Variants in CCM2 observed in about 807,000 individuals in gnomAD.
The protein encoded by CCM2 is CCM2 scaffold protein.
A neutral mutation model predicts 44.9 loss-of-function variants in CCM2; 25 were observed. The ratio of observed to expected loss-of-function variants is 0.56; its 90% confidence interval spans 0.41 to 0.78. The LOEUF (loss-of-function observed/expected upper bound fraction) is 0.78, where lower values mean the gene tolerates loss of function less well. CCM2 is among the 30% of genes least tolerant of loss of function. CCM2 has a pLI of 0.00. For synonymous variants in CCM2, 219 were observed against 241.1 expected, an observed-to-expected ratio of 0.91 and a Z score of 0.85; for missense variants, 481 against 580.6, an observed-to-expected ratio of 0.83 and a Z score of 1.76.
chr7:45,068,758 T>C (rs1798910589), intron 5 of CCM2, among the ~76,000 whole-genome samples, 179 bp downstream of exon 5: 1 of 151,916 alleles, frequency 6.6e-6, no homozygotes, highest in Non-Finnish European at 1.5e-5. Context: ...CTCTCTCTGC[T>C]CAACCCTGCC....
chr7:45,076,279 A>C lies in CCM2; in HGVS notation c.*222A>C. On this transcript the variant is annotated 3_prime_UTR_variant, in exon 10 of 10. Coordinates refer to ENST00000258781, the MANE Select transcript of CCM2 (RefSeq NM_031443.4). ...TGGAAGGCTCTTTGCCTTGTCCACCAGGGCTCAGCCAAGCCCTGCAGTGTG... is the reference window on the plus strand; with the variant it reads ...TGGAAGGCTCTTTGCCTTGTCCACCCGGGCTCAGCCAAGCCCTGCAGTGTG... 1.4e-6 allele frequency: 1 copy of C among 720,394 alleles called. No homozygotes were observed. Among genetic ancestry groups the C allele is most frequent in the Non-Finnish European group, 2.4e-6 (1 of 408,188 alleles). 44.6% of individuals were successfully genotyped at this position (720,394 alleles called of 1,614,324 possible). A position where few individuals can be genotyped will look rare whatever the true frequency, so the allele number is the denominator to read the frequency against.
At chr7:45,073,421 C>T (rs374025748) in intron 7 of CCM2, 39 bp from the exon 8 acceptor site, 25 of 1,458,812 alleles carry the variant, frequency 1.7e-5, no homozygotes, top group African/African-American at 1.7e-4. Flanking sequence ...GATGGAGGGT[C>T]GGGGAAGCCA....
chr7:45,000,775 C>T (rs1795580282), intron 1 of CCM2, among the ~76,000 whole-genome samples: 1 of 152,228 alleles, frequency 6.6e-6, no homozygotes, highest in Admixed American at 6.5e-5. Flanking sequence ...GCAAGGGTGG[C>T]CTTCACCTTA....
chr7:45,044,240 TCTC>T (rs1446560860), intron 2 of CCM2, among the ~76,000 whole-genome samples: 1 of 152,236 alleles, frequency 6.6e-6, no homozygotes, highest in African/African-American at 2.4e-5. Flanking sequence ...TTCACGCTGT[TCTC>T]CTGCTTCAGC....
chr7:45,008,522 C>T (rs1176749048), intron 1 of CCM2, among the ~76,000 whole-genome samples: 1 of 152,026 alleles, frequency 6.6e-6, no homozygotes, highest in Non-Finnish European at 1.5e-5. Flanking sequence ...GCCACCAAGT[C>T]CGGCTAATTT....
At chr7:45,059,485 C>T (rs1210731869) in intron 2 of CCM2, among the ~76,000 whole-genome samples, 1 of 151,776 alleles carries the variant, frequency 6.6e-6, no homozygotes, top group African/African-American at 2.4e-5. Flanking sequence ...TGGCTCATGC[C>T]TGTATTCCCA....
At chr7:45,028,264 T>C (rs1332336291) in intron 1 of CCM2, among the ~76,000 whole-genome samples, 1 of 152,194 alleles carries the variant, frequency 6.6e-6, no homozygotes, top group African/African-American at 2.4e-5. Flanking sequence ...GCATGGATCC[T>C]GGCCACCGCC....
chr7:45,021,409 C>G lies in CCM2; in HGVS notation c.31-16844C>G, dbSNP rs529828462. 7.3e-5 allele frequency among the ~76,000 whole-genome samples: 11 copies of G among 151,536 alleles called. No homozygotes were observed. In the East Asian group the frequency reaches 1.9e-3, roughly 27 times the overall value. ...AAAACCCCCGACTCTACTAAAAATACAAAAATTAGCCAGGCATGGTGACAC... is the reference window on the plus strand; with the variant it reads ...AAAACCCCCGACTCTACTAAAAATAGAAAAATTAGCCAGGCATGGTGACAC... On this transcript the variant is annotated intron_variant, in intron 1 of 9. Coordinates refer to ENST00000258781, the MANE Select transcript of CCM2 (RefSeq NM_031443.4).
At chr7:45,034,304 C>T (rs111447896) in intron 1 of CCM2, among the ~76,000 whole-genome samples, 68 of 151,878 alleles carry the variant, frequency 4.5e-4, no homozygotes, top group Non-Finnish European at 8.8e-4. Flanking sequence ...CTCTGCCTCC[C>T]GGATTCAAGC....
intron 2 of CCM2, among the ~76,000 whole-genome samples, chr7:45,043,540 A>T (rs557551966): frequency 2.0e-5 from 3 of 152,198 alleles, no homozygotes; most frequent in African/African-American, 7.2e-5. Flanking sequence ...TGGCAGGAGA[A>T]TCACTTGAAC....
intron 4 of CCM2, among the ~76,000 whole-genome samples, chr7:45,066,103 T>C (rs1348681621): frequency 6.6e-6 from 1 of 152,174 alleles, no homozygotes; most frequent in Non-Finnish European, 1.5e-5. Context: ...TTTTTTTTAA[T>C]GGAGAGAGAA....
chr7:45,029,632 T>C (rs1172525076), intron 1 of CCM2: 2 of 152,236 alleles, frequency 1.3e-5, no homozygotes, highest in Non-Finnish European at 2.9e-5. Context: ...CCCTGACTTA[T>C]AAGTTAGTTT....
chr7:45,033,044 CAA>C (rs60956411), intron 1 of CCM2, among the ~76,000 whole-genome samples: 40 of 58,078 alleles, frequency 6.9e-4, no homozygotes, highest in Admixed American at 1.3e-3. Flanking sequence ...AACTCCGTCT[CAA>C]AAAAAAAAAA....
chr7:45,071,338 G>T (rs1020585667), intron 6 of CCM2: 12 of 157,038 alleles, frequency 7.6e-5, no homozygotes, highest in African/African-American at 2.6e-4. Context: ...TACATGTACA[G>T]TTGAATGAAT....
upstream of CCM2, chr7:44,999,763 G>T (rs1238653870): frequency 8.9e-6 from 4 of 450,514 alleles, no homozygotes; most frequent in Non-Finnish European, 1.8e-5. Context: ...GAAGTCGGCC[G>T]CCGTAAAGAT....
At position 45,069,819 on chromosome 7, in the gene CCM2, A is replaced by T; in HGVS notation, c.610-7A>T. The T allele has an allele frequency of 6.2e-7, 1 of 1,614,038 alleles. No homozygotes were observed. Among genetic ancestry groups the T allele is most frequent in the South Asian group, 1.1e-5 (1 of 91,084 alleles). ...ACTGACCGAGCAGCTGCTGTCCCCC[A>T]CTGCAGGTCGCTGCGGAGGAGCTTT... On this transcript the variant is annotated splice_polypyrimidine_tract_variant and splice_region_variant and intron_variant, in intron 5 of 9. Transcript: ENST00000258781.
chr7:45,030,954 C>T (rs113073671), intron 1 of CCM2, among the ~76,000 whole-genome samples: 8,908 of 151,904 alleles, frequency 0.059, 333 homozygotes, highest in African/African-American at 0.097. Context: ...GAACATCTGA[C>T]CTCAGGTGAT....
chr7:45,032,783 G>A (rs6965902), intron 1 of CCM2, among the ~76,000 whole-genome samples: 5,908 of 152,134 alleles, frequency 0.039, 375 homozygotes, highest in African/African-American at 0.13. Flanking sequence ...GCTCATGCCT[G>A]TAATTCCAGC....
chr7:45,004,395 T>C (rs1485249596), intron 1 of CCM2, among the ~76,000 whole-genome samples: 1 of 152,214 alleles, frequency 6.6e-6, no homozygotes, highest in Non-Finnish European at 1.5e-5. Flanking sequence ...GTAATGGTTA[T>C]ATATTGTTCT....
Sources: allele counts gnomAD v4.1 joint callset (sites outside exome capture counted in the v4.1 genomes callset), GRCh38; gene constraint gnomAD v4.1.1; transcripts MANE v1.5; gene names NCBI Gene and HGNC (gene_info 2026-07-23, HGNC 2026-07-21).